The following UBTF variants were observed in gnomAD, a reference collection of about 807,000 sequenced individuals.
UBTF encodes nucleolar transcription factor 1.
Under a neutral mutation model 112.3 loss-of-function variants are expected in UBTF, and 8 were observed. The ratio of observed to expected loss-of-function variants is 0.07; its 90% confidence interval spans 0.04 to 0.13. The LOEUF (loss-of-function observed/expected upper bound fraction) is 0.13. Among genes scored for constraint, UBTF ranks in the 10% least tolerant of loss-of-function variants. UBTF has a pLI of 1.00. For missense variants in UBTF, 457 were observed against 982.1 expected (o/e 0.47, Z 7.15); for synonymous variants, 417 against 373.1 (o/e 1.12, Z -1.36).
rs761582273 is a variant in UBTF at position 44,209,418 on chromosome 17, C to T, written c.1839G>A (p.Glu613=). The T allele has an allele frequency of 1.9e-6, 3 of 1,614,144 alleles. No homozygotes were observed. The highest frequency in any genetic ancestry group is 2.2e-5 in the East Asian group (1 of 44,882). Residue 613 remains glutamate (E), a synonymous_variant, in exon 17 of 21, where the codon GAG becomes GAA. Transcript: ENST00000436088. ...RWQRISQSQK[E]HYKKLAEEQQ... is the part of the protein sequence containing the mutation. ...GCTCCTCGGCCAGCTTTTTGTAGTGCTCCTTCTGGCTCTGGGAGATGCGCT... is the reference window on the plus strand; with the variant it reads ...GCTCCTCGGCCAGCTTTTTGTAGTGTTCCTTCTGGCTCTGGGAGATGCGCT...
At position 44,211,192 on chromosome 17, in the gene UBTF, C is replaced by T; in HGVS notation, c.1090-40G>A. 1 of 1,613,204 alleles carries T rather than the reference C, an allele frequency of 6.2e-7. No individual in the cohort carries two copies. On this transcript the variant is annotated intron_variant, in intron 11 of 20. Transcript: ENST00000436088. The surrounding 1 kb of genome is among the most constrained non-coding windows in gnomAD (Gnocchi z 4.9). Reference sequence around the variant, plus strand: ...GGAGCACGGGGCTGCATGCCTGGCACCCAGACTGCATGGTGCCCTATCTCC... The same window carrying T: ...GGAGCACGGGGCTGCATGCCTGGCATCCAGACTGCATGGTGCCCTATCTCC...
At chr17:44,218,362 C>A (rs2046951815) in intron 1 of UBTF, 66 bp from the exon 2 acceptor site, 11 of 914,094 alleles carry the variant, frequency 1.2e-5, no homozygotes, top group African/African-American at 3.3e-5. Context: ...ACTTTCTAAC[C>A]GCCCAGAGTA....
At chr17:44,209,759 C>A (rs758330393) in intron 15 of UBTF, 26 bp from the exon 16 acceptor site, 1 of 1,608,934 alleles carries the variant, frequency 6.2e-7, no homozygotes, top group Non-Finnish European at 8.5e-7. Flanking sequence ...TCACGCTCAC[C>A]CCCCAGTCCC....
chr17:44,207,571 ATCCTCT>A lies in UBTF; in HGVS notation c.2046_2051del (p.Glu682_Glu683del). 1.2e-6 allele frequency: 2 copies of A among 1,613,874 alleles called. No individual in the cohort carries two copies. The highest frequency in any genetic ancestry group is 1.7e-6 in the Non-Finnish European group (2 of 1,179,950). On this transcript the variant is annotated inframe_deletion, in exon 20 of 21. Coordinates refer to ENST00000436088, the MANE Select transcript of UBTF (RefSeq NM_014233.4). ...CTTCATCCTCGTCCTCGTCATCCTC[ATCCTCT>A]TCATCATCCTCCTCGGACTCCTTGG...
chr17:44,207,146 G>A lies in UBTF; in HGVS notation c.*96C>T. The stretch of plus-strand genomic sequence containing the variant: ...AAGAAAGAAAGTGGGGGAGGCCAGG[G>A]GGGCAAGGGACAGAACATGGGGGAG... On this transcript the variant is annotated 3_prime_UTR_variant, in exon 21 of 21. Coordinates refer to ENST00000436088, the MANE Select transcript of UBTF (RefSeq NM_014233.4). 7.2e-7 allele frequency: 1 copy of A among 1,385,610 alleles called. No individual in the cohort carries two copies. The highest frequency in any genetic ancestry group is 9.9e-7 in the Non-Finnish European group (1 of 1,011,098). The allele number at this position is 1,385,610 out of a possible 1,614,324, so 85.8% of individuals were successfully genotyped here. A position where few individuals can be genotyped will look rare whatever the true frequency, so the allele number is the denominator to read the frequency against.
chr17:44,207,100 ATTTTT>A lies in UBTF; in HGVS notation c.*137_*141del. Reference sequence around the variant, plus strand: ...TCCTCCAGCCCCCTACCCCCACCGTATTTTTTTTTTTTTTTAAAGAAAGAAAGAAA... The same window carrying A: ...TCCTCCAGCCCCCTACCCCCACCGTATTTTTTTTTTAAAGAAAGAAAGAAA... On this transcript the variant is annotated 3_prime_UTR_variant, in exon 21 of 21. Coordinates refer to ENST00000436088, the MANE Select transcript of UBTF (RefSeq NM_014233.4). The A allele has an allele frequency of 1.2e-6, 1 of 803,500 alleles. No homozygotes were observed. Among genetic ancestry groups the A allele is most frequent in the Non-Finnish European group, 1.9e-6 (1 of 533,046 alleles). 49.8% of individuals were successfully genotyped at this position (803,500 alleles called of 1,614,324 possible). A position where few individuals can be genotyped will look rare whatever the true frequency, so the allele number is the denominator to read the frequency against.
chr17:44,211,847 C>A lies in UBTF; in HGVS notation c.905+26G>T. On this transcript the variant is annotated intron_variant, in intron 9 of 20. Transcript: ENST00000436088. This position sits in a 1 kb window ranked among gnomAD's most constrained non-coding sequence, Gnocchi z 4.9. ...GCCCAACTTCCCAGCTGCCCACTCGCCCACCCATCCCAGGGCAGCGCTCAC... is the reference window on the plus strand; with the variant it reads ...GCCCAACTTCCCAGCTGCCCACTCGACCACCCATCCCAGGGCAGCGCTCAC... 6.2e-7 allele frequency: 1 copy of A among 1,608,102 alleles called. No individual in the cohort carries two copies.
At chr17:44,215,830 A>C (rs2046816788) in intron 4 of UBTF, 21 bp from the exon 5 acceptor site, 1 of 1,614,104 alleles carries the variant, frequency 6.2e-7, no homozygotes, top group Non-Finnish European at 8.5e-7. Flanking sequence ...GGACAAGGAC[A>C]CAATGGAGGT....
At position 44,206,104 on chromosome 17, in the gene UBTF, G is replaced by A. The variant is rs1434078716; in HGVS notation, c.*1138C>T. 6.6e-6 allele frequency: 1 copy of A among 152,142 alleles called. No individual in the cohort carries two copies. The highest frequency in any genetic ancestry group is 2.4e-5 in the African/African-American group (1 of 41,402). The allele number at this position is 152,142 out of a possible 1,614,324, so 9.4% of individuals were successfully genotyped here. On this transcript the variant is annotated 3_prime_UTR_variant, in exon 21 of 21. Transcript: ENST00000436088. Reference sequence around the variant, plus strand: ...AGGCTTGGCCTCTCAGATGAACAGGGGAGACCTTTTCCATCAAATACAAGC... The same window carrying A: ...AGGCTTGGCCTCTCAGATGAACAGGAGAGACCTTTTCCATCAAATACAAGC...
chr17:44,212,022 G>C lies in UBTF; in HGVS notation c.772-16C>G. ...TCATGATCTCCTGCAGAGCCAGGTG[G>C]GGGGACGGAGGGCAATGGGGTGTGG... On this transcript the variant is annotated splice_polypyrimidine_tract_variant and intron_variant, in intron 8 of 20. Transcript: ENST00000436088. 1 of 1,611,576 alleles carries C rather than the reference G, an allele frequency of 6.2e-7. No individual in the cohort carries two copies. The highest frequency in any genetic ancestry group is 8.5e-7 in the Non-Finnish European group (1 of 1,178,876).
At chr17:44,218,134 G>A (rs911539143) in intron 2 of UBTF, 38 bp downstream of exon 2, 3 of 1,605,182 alleles carry the variant, frequency 1.9e-6, no homozygotes, top group African/African-American at 1.3e-5. Context: ...AGGGAAAGAG[G>A]GTTTAAGTTT....
Position 44,212,777 on chromosome 17 carries a change from C to T in UBTF, c.660+42G>A, listed in dbSNP as rs752927016. On this transcript the variant is annotated intron_variant, in intron 7 of 20. Transcript: ENST00000436088. The stretch of plus-strand genomic sequence containing the variant: ...CCTGGCGCGGCTCCCCCCTGGCCAC[C>T]GCCGTGCATCCTCCACCCCCAACCC... The T allele has an allele frequency of 8.5e-5, 136 of 1,608,664 alleles. 1 individual carries two copies. The highest frequency in any genetic ancestry group is 1.1e-4 in the Non-Finnish European group (125 of 1,177,136).
chr17:44,214,252 C>G (rs1480590750), intron 5 of UBTF, among the ~76,000 whole-genome samples: 3 of 152,250 alleles, frequency 2.0e-5, no homozygotes, highest in Admixed American at 2.0e-4. Flanking sequence ...ACAGTTCCCA[C>G]AGAAAACCAG....
At chr17:44,214,627 C>T (rs1053411830) in intron 5 of UBTF, among the ~76,000 whole-genome samples, 8 of 142,602 alleles carry the variant, frequency 5.6e-5, no homozygotes, top group Non-Finnish European at 7.4e-5. Context: ...CCCCTCTCTG[C>T]TTGGGCAGTG....
At position 44,205,832 on chromosome 17, in the gene UBTF, CTT is replaced by C. The variant is rs2056212883; in HGVS notation, c.*1408_*1409del. On this transcript the variant is annotated 3_prime_UTR_variant, in exon 21 of 21. Transcript: ENST00000436088. ...GAACTACAGAGATAAGGTGGCTTGG[CTT>C]ATTAAGAGTCAAGGAATCAAGGTAC... 6.6e-6 allele frequency: 1 copy of C among 152,176 alleles called. No homozygotes were observed. Among genetic ancestry groups the C allele is most frequent in the Non-Finnish European group, 1.5e-5 (1 of 68,042 alleles). 9.4% of individuals were successfully genotyped at this position (152,176 alleles called of 1,614,324 possible).
Position 44,210,483 on chromosome 17 carries a change from T to G in UBTF, c.1360-10A>C, listed in dbSNP as rs2056584134. 1.9e-6 allele frequency: 3 copies of G among 1,594,422 alleles called. No individual in the cohort carries two copies. Among genetic ancestry groups the G allele is most frequent in the African/African-American group, 2.7e-5 (2 of 74,152 alleles). On this transcript the variant is annotated splice_polypyrimidine_tract_variant and intron_variant, in intron 13 of 20. Coordinates refer to ENST00000436088, the MANE Select transcript of UBTF (RefSeq NM_014233.4). The stretch of plus-strand genomic sequence containing the variant: ...GGGCCTTGTACTTGGCCTGCGGGGA[T>G]GGCCCGGGCGTCAGCCTTCCACCCA...
At position 44,212,828 on chromosome 17, in the gene UBTF, C is replaced by T. The variant is rs2056782891; in HGVS notation, c.651G>A (p.Val217=). ...YTHEKKVYLK[V]RPDATTKEVK... is the part of the protein sequence containing the mutation. ...TTGGCCGGACACTCACATCTGGCCG[C>T]ACTTTGAGATACACCTTCTTCTCGT... is the stretch of plus-strand genomic sequence containing the variant. The change falls in exon 7 of 21, where the codon GTG becomes GTA. Residue 217 remains valine (V), a synonymous_variant. Coordinates refer to ENST00000436088, the MANE Select transcript of UBTF (RefSeq NM_014233.4). 1.2e-6 allele frequency: 2 copies of T among 1,613,948 alleles called. No homozygotes were observed. The highest frequency in any genetic ancestry group is 1.7e-6 in the Non-Finnish European group (2 of 1,179,938).
chr17:44,208,051 G>C (rs2056381122), intron 17 of UBTF, 140 bp from the exon 18 acceptor site: 2 of 984,278 alleles, frequency 2.0e-6, no homozygotes, highest in South Asian at 1.6e-5. Context: ...TAGATTTTGG[G>C]TCTCTGCAGA....
rs1482663925 is a variant in UBTF, at chr17:44,212,406, G to A, written c.709C>T (p.Leu237Phe). The A allele has an allele frequency of 6.2e-7, 1 of 1,613,232 alleles. No individual in the cohort carries two copies. The highest frequency in any genetic ancestry group is 8.5e-7 in the Non-Finnish European group (1 of 1,179,816). Residue 237 changes from leucine to phenylalanine, a missense_variant, in exon 8 of 21, where the codon CTC becomes TTC. Around this residue, in one of 7 missense-constraint regions of UBTF, gnomAD observed 87 missense variants for 286.6 expected, o/e 0.30. Coordinates refer to ENST00000436088, the MANE Select transcript of UBTF (RefSeq NM_014233.4). ...KDSLGKQWSQ[L>F]SDKKRLKWIH... ...CATTTCAGCCTCTTTTTGTCCGAGAGCTGAGACCACTGCTTCCCCAGGGAG... is the reference window on the plus strand; with the variant it reads ...CATTTCAGCCTCTTTTTGTCCGAGAACTGAGACCACTGCTTCCCCAGGGAG...
Sources: allele counts gnomAD v4.1 joint callset (sites outside exome capture counted in the v4.1 genomes callset), GRCh38; gene constraint gnomAD v4.1.1; regional missense constraint gnomAD v4.1.1; non-coding constraint Gnocchi (gnomAD v3.1); transcripts MANE v1.5; gene names NCBI Gene and HGNC (gene_info 2026-07-23, HGNC 2026-07-21).